ATG7: variants seen among roughly 807,000 people sequenced by gnomAD.
The protein encoded by ATG7 is autophagy related 7, also known as ubiquitin-like modifier-activating enzyme ATG7.
A neutral mutation model predicts 82.4 loss-of-function variants in ATG7; 70 were observed. The ratio of observed to expected loss-of-function variants is 0.85; its 90% CI spans 0.70 to 1.04. The LOEUF (loss-of-function observed/expected upper bound fraction) is 1.04. Among genes scored for constraint, ATG7 ranks in the 50% least tolerant of loss-of-function variants. ATG7 has a pLI of 0.00. For synonymous variants in ATG7, 287 were observed against 313.0 expected, an observed-to-expected ratio of 0.92 and a Z score of 0.88; for missense variants, 792 against 864.3, an observed-to-expected ratio of 0.92 and a Z score of 1.05.
intron 20 of ATG7, among the ~76,000 whole-genome samples, chr3:11,536,722 C>T (rs553684350): frequency 6.6e-6 from 1 of 152,080 alleles, no homozygotes; most frequent in Non-Finnish European, 1.5e-5. Flanking sequence ...CGACCGGGGC[C>T]GAGCAGCGAA....
chr3:11,434,640 A>G lies in ATG7; in HGVS notation c.2079+7714A>G, dbSNP rs569992204. On this transcript the variant is annotated intron_variant, in intron 20 of 20. Transcript: ENST00000693202. ...TTACTTTATAAAATGTGTACCTTTT[A>G]TTTGCTGTCAGAGTTATCTACATGA... Among the ~76,000 whole-genome samples the G allele has an allele frequency of 3.6e-4, 55 of 152,312 alleles. 1 individual carries two copies. The highest frequency in any genetic ancestry group is 1.2e-3 in the African/African-American group (50 of 41,572).
At chr3:11,461,344 C>G (rs950654371) in intron 20 of ATG7, among the ~76,000 whole-genome samples, 15 of 152,110 alleles carry the variant, frequency 9.9e-5, no homozygotes, top group African/African-American at 3.6e-4. Flanking sequence ...GCTAAGAAAC[C>G]AAAGATAAAG....
intron 18 of ATG7, among the ~76,000 whole-genome samples, chr3:11,371,496 G>C (rs1345007854): frequency 1.3e-5 from 2 of 151,006 alleles, no homozygotes; most frequent in Admixed American, 1.3e-4. Flanking sequence ...GAATAGACTG[G>C]AGGTGATACG....
intron 20 of ATG7, among the ~76,000 whole-genome samples, chr3:11,492,127 A>C (rs1351644238): frequency 2.0e-5 from 3 of 152,202 alleles, no homozygotes; most frequent in African/African-American, 7.2e-5. Flanking sequence ...CCGTGGTCAT[A>C]GGACCCTCCG....
chr3:11,335,983 G>A (rs895582535), intron 11 of ATG7, among the ~76,000 whole-genome samples: 5 of 150,024 alleles, frequency 3.3e-5, no homozygotes, highest in Admixed American at 6.7e-5. Context: ...AGATCCACCC[G>A]CCTCGGCCTC....
chr3:11,325,289 C>T (rs1370468772), intron 9 of ATG7, among the ~76,000 whole-genome samples: 1 of 152,176 alleles, frequency 6.6e-6, no homozygotes, highest in Non-Finnish European at 1.5e-5. Context: ...AATGAAGTTA[C>T]TGCAAGACAG....
intron 18 of ATG7, among the ~76,000 whole-genome samples, chr3:11,368,889 A>T (rs529574863): frequency 4.0e-5 from 6 of 151,050 alleles, no homozygotes; most frequent in Non-Finnish European, 8.8e-5. Context: ...TAAAGTACTG[A>T]TAAAAAAAGA....
Position 11,480,155 on chromosome 3 carries a change from T to A in ATG7, c.2079+53229T>A, listed in dbSNP as rs184405404. Among the ~76,000 whole-genome samples the A allele has an allele frequency of 3.6e-3, 542 of 152,174 alleles. 2 individuals carry two copies. Among genetic ancestry groups the A allele is most frequent in the African/African-American group, 0.012 (515 of 41,530 alleles). The stretch of plus-strand genomic sequence containing the variant: ...ACTGTGTTAGCCAGCATGGTCTCGA[T>A]CTCCTGACCTCGAGATCCACCTGCC... On this transcript the variant is annotated intron_variant, in intron 20 of 20. Transcript: ENST00000693202.
chr3:11,381,271 G>T (rs1013917781), intron 19 of ATG7, among the ~76,000 whole-genome samples: 7 of 152,070 alleles, frequency 4.6e-5, no homozygotes, highest in Non-Finnish European at 1.0e-4. Context: ...CAAGTTTTAG[G>T]ATTGTATACT....
At chr3:11,531,867 GAAA>G (rs10706428) in intron 20 of ATG7, among the ~76,000 whole-genome samples, 5 of 95,120 alleles carry the variant, frequency 5.3e-5, no homozygotes, top group Non-Finnish European at 6.3e-5. Context: ...CCTGTCTCAG[GAAA>G]AAAAAAAAAA....
At chr3:11,362,975 G>A (rs761122793) in intron 17 of ATG7, 47 bp downstream of exon 17, 9 of 1,532,668 alleles carry the variant, frequency 5.9e-6, no homozygotes, top group Middle Eastern at 1.7e-4. Flanking sequence ...GCTTTTGTAG[G>A]CAGTTGTTCA....
chr3:11,515,899 A>G (rs1409158464), intron 20 of ATG7, among the ~76,000 whole-genome samples: 2 of 152,110 alleles, frequency 1.3e-5, no homozygotes, highest in African/African-American at 2.4e-5. Flanking sequence ...CCAGCATGAG[A>G]CACTGCTGGC....
At chr3:11,284,840 G>A (rs1222592733) in intron 3 of ATG7, among the ~76,000 whole-genome samples, 2 of 141,518 alleles carry the variant, frequency 1.4e-5, no homozygotes, top group East Asian at 4.2e-4. Context: ...GTGAGCCACT[G>A]TGCCTGGCCT....
In ATG7 at chr3:11,417,800, A is replaced by ATTATTTTTT. The variant is rs1553652380; in HGVS notation, c.1957-9002_1957-9001insATTTTTTTT. Among the ~76,000 whole-genome samples the ATTATTTTTT allele has an allele frequency of 2.5e-4, 27 of 109,342 alleles. 3 individuals are homozygous for ATTATTTTTT. Among genetic ancestry groups the ATTATTTTTT allele is most frequent in the East Asian group, 1.8e-3 (6 of 3,264 alleles). 71.7% of individuals were successfully genotyped at this position (109,342 alleles called of 152,430 possible). ...CATTTAAAAAATTATTATTATTATTATTTTATTTTATTTTATTTTTTTTTT... is the reference window on the plus strand; with the variant it reads ...CATTTAAAAAATTATTATTATTATTATTATTTTTTTTTTATTTTATTTTATTTTTTTTTT... On this transcript the variant is annotated intron_variant, in intron 19 of 20. Transcript: ENST00000693202.
intron 19 of ATG7, among the ~76,000 whole-genome samples, chr3:11,422,740 CTTTTTTTTTT>C (rs557755646): frequency 1.4e-4 from 7 of 49,546 alleles, no homozygotes; most frequent in Admixed American, 1.1e-3. Context: ...TCATTTCTAG[CTTTTTTTTTT>C]TTTTTTTTTT....
chr3:11,399,821 ACCTCGG>A (rs1450061623), intron 19 of ATG7, among the ~76,000 whole-genome samples: 1 of 152,066 alleles, frequency 6.6e-6, no homozygotes, highest in Non-Finnish European at 1.5e-5. Context: ...TAATCTGCCC[ACCTCGG>A]CCTCCCAAAG....
intron 5 of ATG7, among the ~76,000 whole-genome samples, chr3:11,305,852 C>A (rs1331576132): frequency 6.6e-6 from 1 of 152,116 alleles, no homozygotes; most frequent in Non-Finnish European, 1.5e-5. Context: ...CCCCATAAAC[C>A]CAATTTTACA....
At chr3:11,374,233 T>G (rs1002171707) in intron 18 of ATG7, among the ~76,000 whole-genome samples, 1 of 152,198 alleles carries the variant, frequency 6.6e-6, no homozygotes, top group Admixed American at 6.5e-5. Context: ...GTAATCAAGA[T>G]AGTTAAGTAC....
chr3:11,449,734 G>A (rs900485249), intron 20 of ATG7, among the ~76,000 whole-genome samples: 2 of 152,160 alleles, frequency 1.3e-5, no homozygotes, highest in Admixed American at 1.3e-4. Flanking sequence ...GGAGGACAAG[G>A]GCCACACCTT....
Sources: gnomAD v4.1 joint callset for allele counts (sites outside exome capture counted in the v4.1 genomes callset) on GRCh38, gnomAD v4.1.1 for gene constraint, MANE v1.5 for transcripts, NCBI Gene and HGNC (gene_info 2026-07-23, HGNC 2026-07-21) for gene names.